The following AFAP1L1 variants were observed in gnomAD, a reference collection of about 807,000 sequenced individuals.
The protein encoded by AFAP1L1 is actin filament-associated protein 1-like 1.
AFAP1L1 carries 77 observed loss-of-function variants against 99.8 expected under a neutral mutation model. The ratio of observed to expected loss-of-function variants is 0.77; its 90% CI spans 0.64 to 0.93. The LOEUF (loss-of-function observed/expected upper bound fraction) is 0.93. Ranked by LOEUF, AFAP1L1 falls within the 40% of genes least tolerant of loss-of-function variation. The pLI is 0.00. For synonymous variants in AFAP1L1, 373 were observed against 395.3 expected, an observed-to-expected ratio of 0.94 and a Z score of 0.67; for missense variants, 893 against 996.8, an observed-to-expected ratio of 0.90 and a Z score of 1.40.
intron 1 of AFAP1L1, among the ~76,000 whole-genome samples, chr5:149,272,380 G>C (rs530718802): frequency 3.3e-5 from 5 of 152,208 alleles, no homozygotes; most frequent in Non-Finnish European, 7.3e-5. Flanking sequence ...CTAGGGAGAA[G>C]CTCTAGGGGA....
intron 8 of AFAP1L1, among the ~76,000 whole-genome samples, chr5:149,311,602 C>T (rs1020759830): frequency 6.6e-6 from 1 of 152,204 alleles, no homozygotes; most frequent in Admixed American, 6.5e-5. Flanking sequence ...ATGCTTATTG[C>T]TGTGTGGCCT....
intron 8 of AFAP1L1, among the ~76,000 whole-genome samples, 157 bp from the exon 9 acceptor site, chr5:149,311,955 T>C (rs1259232943): frequency 2.6e-5 from 4 of 152,226 alleles, no homozygotes; most frequent in Non-Finnish European, 5.9e-5. Context: ...TACAAACCCA[T>C]GTGCCCCACA....
intron 9 of AFAP1L1, 68 bp from the exon 10 acceptor site, chr5:149,315,753 C>A: frequency 1.5e-6 from 2 of 1,376,400 alleles, no homozygotes; most frequent in Non-Finnish European, 2.1e-6. Context: ...GAGATTGAAC[C>A]AATAAAGGGA....
chr5:149,335,648 T>C lies in AFAP1L1; in HGVS notation c.2209T>C (p.Cys737Arg), dbSNP rs1349663422. 6.2e-7 allele frequency: 1 copy of C among 1,613,466 alleles called. No homozygotes were observed. The highest frequency in any genetic ancestry group is 8.5e-7 in the Non-Finnish European group (1 of 1,180,024). Residue 737 changes from cysteine to arginine, a missense_variant, in exon 18 of 19, where the codon TGT becomes CGT. Transcript: ENST00000296721. ...TCCAGAGCAACCTCTCCCTGTCAAC[T>C]GTGTTTCTGAGCTGAGGAAGAGGAG... ...SVPEQPLPVN[C>R]VSELRKRSPS...
At chr5:149,308,932 C>CAA (rs1354000424) in intron 7 of AFAP1L1, among the ~76,000 whole-genome samples, 26 of 118,506 alleles carry the variant, frequency 2.2e-4, no homozygotes, top group African/African-American at 6.0e-4. Flanking sequence ...CCGTCTCTAC[C>CAA]AAAAAAAAAA....
At chr5:149,319,477 C>T (rs913995798) in intron 12 of AFAP1L1, 105 bp from the exon 13 acceptor site, 58 of 1,310,186 alleles carry the variant, frequency 4.4e-5, no homozygotes, top group Middle Eastern at 4.2e-4. Context: ...GTATCGGGTA[C>T]GTAGTCAGTA....
At position 149,340,244 on chromosome 5, in the gene AFAP1L1, C is replaced by T. The variant is rs1033261372; in HGVS notation, c.*214C>T. On this transcript the variant is annotated 3_prime_UTR_variant, in exon 19 of 19. Coordinates refer to ENST00000296721, the MANE Select transcript of AFAP1L1 (RefSeq NM_152406.4). ...AGGGAAATGGAGAGCATCCTTATGA[C>T]TTTACAAAGGGTGGAAATGAGGATG... is the stretch of plus-strand genomic sequence containing the variant. The T allele has an allele frequency of 5.4e-6, 3 of 554,160 alleles. No homozygotes were observed. The highest frequency in any genetic ancestry group is 1.9e-5 in the African/African-American group (1 of 53,176). 34.3% of individuals were successfully genotyped at this position (554,160 alleles called of 1,614,324 possible). A position where few individuals can be genotyped will look rare whatever the true frequency, so the allele number is the denominator to read the frequency against.
rs774649059 is a variant in AFAP1L1, at chr5:149,342,265, A to C, written c.*2235A>C. ...TCTAGGTATTATCCCTTTAGTTTTC[A>C]CTGAAACCCTGAGATAAGTTATATT... On this transcript the variant is annotated 3_prime_UTR_variant, in exon 19 of 19. Transcript: ENST00000296721. 6.6e-6 allele frequency among the ~76,000 whole-genome samples: 1 copy of C among 152,188 alleles called. No homozygotes were observed. Among genetic ancestry groups the C allele is most frequent in the Non-Finnish European group, 1.5e-5 (1 of 68,032 alleles).
Position 149,320,041 on chromosome 5 carries a change from T to C in AFAP1L1, c.1625+314T>C, listed in dbSNP as rs548405302. Among the ~76,000 whole-genome samples, 1 of 152,342 alleles carries C rather than the reference T, an allele frequency of 6.6e-6. No homozygotes were observed. Among genetic ancestry groups the C allele is most frequent in the African/African-American group, 2.4e-5 (1 of 41,578 alleles). On this transcript the variant is annotated intron_variant, in intron 13 of 18. Transcript: ENST00000296721. This position sits in a 1 kb window ranked among gnomAD's most constrained non-coding sequence, Gnocchi z 4.0. ...ACACACTGGAGCATGGGCACGTGGC[T>C]AGTATATGGCATTTGGTACTAGAAG...
At chr5:149,289,291 T>C (rs1755779993) in intron 1 of AFAP1L1, among the ~76,000 whole-genome samples, 1 of 152,232 alleles carries the variant, frequency 6.6e-6, no homozygotes, top group Non-Finnish European at 1.5e-5. Flanking sequence ...AAATTTGTAC[T>C]ATTCTCTTAA....
At chr5:149,322,801 C>T in intron 15 of AFAP1L1, 84 bp downstream of exon 15, 1 of 1,123,470 alleles carries the variant, frequency 8.9e-7, no homozygotes, top group Non-Finnish European at 1.3e-6. Flanking sequence ...ATCAGTTTCC[C>T]TGGTGGGTAA....
At position 149,320,908 on chromosome 5, in the gene AFAP1L1, C is replaced by T. The variant is rs11168097; in HGVS notation, c.1698+445C>T. Among the ~76,000 whole-genome samples the T allele has an allele frequency of 0.072, 10,975 of 152,256 alleles. 443 individuals are homozygous for T. The highest frequency in any genetic ancestry group is 0.16 in the Middle Eastern group (46 of 294). The stretch of plus-strand genomic sequence containing the variant: ...CAGGCCAGTCTCCATGTTTTGCTTG[C>T]TAAGCCAGGGAGATACCAGCTTACT... On this transcript the variant is annotated intron_variant, in intron 14 of 18. Transcript: ENST00000296721. This position sits in a 1 kb window ranked among gnomAD's most constrained non-coding sequence, Gnocchi z 4.0.
Position 149,312,058 on chromosome 5 carries a change from T to C in AFAP1L1, c.928-54T>C, listed in dbSNP as rs1756646013. The C allele has an allele frequency of 1.4e-5, 22 of 1,529,348 alleles. No homozygotes were observed. In the South Asian group the frequency reaches 2.0e-4, roughly 14 times the overall value. The allele number at this position is 1,529,348 out of a possible 1,614,324, so 94.7% of individuals were successfully genotyped here. A position where few individuals can be genotyped will look rare whatever the true frequency, so the allele number is the denominator to read the frequency against. ...TCACCACACAGTCCCCATTCTTCCTTTGCATCAACAGCTTCCCTGCCCACC... is the reference window on the plus strand; with the variant it reads ...TCACCACACAGTCCCCATTCTTCCTCTGCATCAACAGCTTCCCTGCCCACC... On this transcript the variant is annotated intron_variant, in intron 8 of 18. Transcript: ENST00000296721.
intron 16 of AFAP1L1, among the ~76,000 whole-genome samples, chr5:149,332,093 A>G (rs1434388496): frequency 1.3e-5 from 2 of 152,052 alleles, no homozygotes; most frequent in African/African-American, 4.8e-5. Context: ...CCCCACTCAA[A>G]CTAAAGAGAA....
intron 15 of AFAP1L1, among the ~76,000 whole-genome samples, chr5:149,324,657 G>T (rs998328171): frequency 6.6e-6 from 1 of 152,150 alleles, no homozygotes; most frequent in African/African-American, 2.4e-5. Context: ...TTCTGGCTTG[G>T]GGTCTCTCAT....
At chr5:149,290,231 A>C (rs911763837) in intron 1 of AFAP1L1, among the ~76,000 whole-genome samples, 6 of 152,220 alleles carry the variant, frequency 3.9e-5, no homozygotes, top group Non-Finnish European at 7.4e-5. Flanking sequence ...TCTGTCCCCC[A>C]AAAATAAGAC....
chr5:149,305,618 G>C (rs943562205), intron 5 of AFAP1L1, among the ~76,000 whole-genome samples: 1 of 152,072 alleles, frequency 6.6e-6, no homozygotes, highest in African/African-American at 2.4e-5. Flanking sequence ...ACTAACCCCA[G>C]CACTGCACCG....
chr5:149,338,869 C>T (rs1757481173), intron 18 of AFAP1L1, among the ~76,000 whole-genome samples: 1 of 152,162 alleles, frequency 6.6e-6, no homozygotes, highest in South Asian at 2.1e-4. Flanking sequence ...GAGAGAAGAG[C>T]AAGTGTCAAG....
chr5:149,315,770 G>A, intron 9 of AFAP1L1, 51 bp from the exon 10 acceptor site: 1 of 1,520,328 alleles, frequency 6.6e-7, no homozygotes, highest in Non-Finnish European at 9.1e-7. Context: ...GGGAAATTTG[G>A]GTACTTCTGA....
Sources: allele counts gnomAD v4.1 joint callset (sites outside exome capture counted in the v4.1 genomes callset), GRCh38; gene constraint gnomAD v4.1.1; non-coding constraint Gnocchi (gnomAD v3.1); transcripts MANE v1.5; gene names NCBI Gene and HGNC (gene_info 2026-07-23, HGNC 2026-07-21).